LAPTM4A: variants seen among roughly 807,000 people sequenced by gnomAD.
LAPTM4A encodes the protein lysosomal-associated transmembrane protein 4A.
Under a neutral mutation model 29.9 loss-of-function variants are expected in LAPTM4A, and 19 were observed. The ratio of observed to expected loss-of-function variants is 0.64; its 90% CI spans 0.44 to 0.93. LAPTM4A has a LOEUF of 0.93. Among genes scored for constraint, LAPTM4A ranks in the 40% least tolerant of loss-of-function variants. The pLI, the probability that LAPTM4A is intolerant of heterozygous loss-of-function variation, is 0.00. For synonymous variants in LAPTM4A, 105 were observed against 102.1 expected, an observed-to-expected ratio of 1.03 and a Z score of -0.17; for missense variants, 293 against 288.5, an observed-to-expected ratio of 1.02 and a Z score of -0.11.
chr2:20,049,334 GT>G (rs1674003210), intron 1 of LAPTM4A, among the ~76,000 whole-genome samples: 1 of 152,154 alleles, frequency 6.6e-6, no homozygotes. Context: ...ACAATAAAAT[GT>G]TTTACACTAA....
chr2:20,043,787 G>C (rs1673857357), intron 1 of LAPTM4A, among the ~76,000 whole-genome samples: 3 of 152,226 alleles, frequency 2.0e-5, no homozygotes, highest in Admixed American at 2.0e-4. Context: ...AACCCGTGAA[G>C]TAAGTATTAC....
intron 2 of LAPTM4A, among the ~76,000 whole-genome samples, chr2:20,039,875 G>C (rs1673757814): frequency 1.3e-5 from 2 of 152,116 alleles, no homozygotes; most frequent in South Asian, 4.2e-4. Context: ...CCAACATGGA[G>C]TAACTCTAAA....
intron 2 of LAPTM4A, among the ~76,000 whole-genome samples, chr2:20,038,399 T>C (rs1673725362): frequency 6.6e-6 from 1 of 152,184 alleles, no homozygotes; most frequent in African/African-American, 2.4e-5. Flanking sequence ...AGCACAAATC[T>C]GTAGTTGATT....
chr2:20,041,994 T>C (rs1673811503), intron 1 of LAPTM4A, among the ~76,000 whole-genome samples: 1 of 152,236 alleles, frequency 6.6e-6, no homozygotes, highest in Admixed American at 6.5e-5. Flanking sequence ...CCCTTTTGTC[T>C]TCCTCTTTAC....
chr2:20,047,696 C>CAAAAAAAAAAAAA (rs61601787), intron 1 of LAPTM4A, among the ~76,000 whole-genome samples: 1 of 76,720 alleles, frequency 1.3e-5, no homozygotes, highest in African/African-American at 5.0e-5. Context: ...GACTCCGTCT[C>CAAAAAAAAAAAAA]AAAAAAAAAA....
intron 6 of LAPTM4A, 22 bp from the exon 7 acceptor site, chr2:20,033,301 T>A (rs1330684263): frequency 6.4e-7 from 1 of 1,574,146 alleles, no homozygotes; most frequent in African/African-American, 1.3e-5. Context: ...AAAAAAATTG[T>A]ATCAGATTTA....
rs1033106320 is a variant in LAPTM4A at position 20,040,969 on chromosome 2, T to C, written c.154A>G (p.Thr52Ala). The change falls in exon 2 of 7, where the codon ACT becomes GCT. Residue 52 changes from threonine (T) to alanine (A), a missense_variant. By Grantham distance (58) the Thr-to-Ala change is moderately conservative. Transcript: ENST00000175091. ...ACAGCTGGCATGGAGTTTGGATGAG[T>C]CACTTCCACAGTCAGCAAAATTGCC... ...LMAILLTVEV[T>A]HPNSMPAVNI... The C allele has an allele frequency of 6.2e-7, 1 of 1,613,266 alleles. No homozygotes were observed. The highest frequency in any genetic ancestry group is 8.5e-7 in the Non-Finnish European group (1 of 1,179,176).
chr2:20,037,434 T>C lies in LAPTM4A; in HGVS notation c.314A>G (p.Gln105Arg). 1 of 1,608,836 alleles carries C rather than the reference T, an allele frequency of 6.2e-7. No homozygotes were observed. The highest frequency in any genetic ancestry group is 8.5e-7 in the Non-Finnish European group (1 of 1,178,618). ...GAAGAATGGAATCAGCCAACCCACT[T>C]GATACTGGAGAAAAAATAACAACCA... Reference protein sequence around the residue: ...SMLVYGAISYQVGWLIPFFCY... With the variant: ...SMLVYGAISYRVGWLIPFFCY... Residue 105 changes from glutamine (Q) to arginine (R), a missense_variant, in exon 4 of 7, where the codon CAA (glutamine) becomes CGA (arginine). By Grantham distance (43) the Gln-to-Arg change is conservative. Coordinates refer to ENST00000175091, the MANE Select transcript of LAPTM4A (RefSeq NM_014713.5).
chr2:20,041,680 G>A (rs1035657615), intron 1 of LAPTM4A, among the ~76,000 whole-genome samples: 3 of 152,124 alleles, frequency 2.0e-5, no homozygotes, highest in Non-Finnish European at 1.5e-5. Flanking sequence ...GATTACAGGT[G>A]CCCACGACCA....
chr2:20,040,871 T>C lies in LAPTM4A; in HGVS notation c.232+20A>G. On this transcript the variant is annotated intron_variant, in intron 2 of 6. Coordinates refer to ENST00000175091, the MANE Select transcript of LAPTM4A (RefSeq NM_014713.5). ...AAAATTAGCAGGGGAGATTTTTTTG[T>C]TTTTCTATTAAACACATACCAGCCA... The C allele has an allele frequency of 1.2e-6, 2 of 1,609,980 alleles. No individual in the cohort carries two copies. Among genetic ancestry groups the C allele is most frequent in the Non-Finnish European group, 8.5e-7 (1 of 1,177,310 alleles).
chr2:20,042,993 G>A (rs1292229633), intron 1 of LAPTM4A, among the ~76,000 whole-genome samples: 1 of 152,024 alleles, frequency 6.6e-6, no homozygotes, highest in Non-Finnish European at 1.5e-5. Context: ...AGGCTGGAGT[G>A]CAGTAGCGCA....
chr2:20,048,175 A>T (rs1673976724), intron 1 of LAPTM4A, among the ~76,000 whole-genome samples: 1 of 152,254 alleles, frequency 6.6e-6, no homozygotes, highest in South Asian at 2.1e-4. Context: ...CACACCATTA[A>T]TCACAAAGTA....
Position 20,034,430 on chromosome 2 carries a change from A to G in LAPTM4A, c.529-15T>C. The G allele has an allele frequency of 6.5e-7, 1 of 1,538,746 alleles. No homozygotes were observed. The highest frequency in any genetic ancestry group is 9.0e-7 in the Non-Finnish European group (1 of 1,111,234). ...ATTAGATAAGCCTGGAAGAATAAAA[A>G]CAAAGTTGACATCTGCTAGAAACTC... On this transcript the variant is annotated splice_polypyrimidine_tract_variant and intron_variant, in intron 5 of 6. Transcript: ENST00000175091.
At chr2:20,039,268 A>G (rs1423952922) in intron 2 of LAPTM4A, among the ~76,000 whole-genome samples, 2 of 152,238 alleles carry the variant, frequency 1.3e-5, no homozygotes, top group East Asian at 3.8e-4. Flanking sequence ...ATTTGGCACT[A>G]AACTAGGAAT....
chr2:20,038,736 G>C (rs540668286), intron 2 of LAPTM4A, among the ~76,000 whole-genome samples: 1 of 152,246 alleles, frequency 6.6e-6, no homozygotes, highest in South Asian at 2.1e-4. Context: ...TCAGTACTCT[G>C]AGAGACTAAG....
chr2:20,034,266 G>A (rs368960191), intron 6 of LAPTM4A, 51 bp downstream of exon 6: 1 of 1,212,692 alleles, frequency 8.2e-7, no homozygotes, highest in Middle Eastern at 1.9e-4. Flanking sequence ...TCTTCTCCTG[G>A]AACAGTCAAT....
intron 1 of LAPTM4A, among the ~76,000 whole-genome samples, chr2:20,047,740 CTAACCAT>C (rs1673966184): frequency 6.7e-6 from 1 of 150,242 alleles, no homozygotes; most frequent in Non-Finnish European, 1.5e-5. Context: ...AACATGTGAG[CTAACCAT>C]TAAATTATCT....
At chr2:20,050,270 G>T (rs1674024572) in intron 1 of LAPTM4A, among the ~76,000 whole-genome samples, 1 of 152,196 alleles carries the variant, frequency 6.6e-6, no homozygotes, top group Admixed American at 6.5e-5. Context: ...CATTTAAGAT[G>T]ATTCTCATCT....
intron 6 of LAPTM4A, among the ~76,000 whole-genome samples, chr2:20,033,576 T>C (rs1026798570): frequency 2.0e-5 from 3 of 152,174 alleles, no homozygotes; most frequent in Non-Finnish European, 4.4e-5. Flanking sequence ...CATTCCAGTG[T>C]GACCGATGAA....
Sources: allele counts gnomAD v4.1 joint callset (sites outside exome capture counted in the v4.1 genomes callset), GRCh38; gene constraint gnomAD v4.1.1; transcripts MANE v1.5; gene names NCBI Gene and HGNC (gene_info 2026-07-23, HGNC 2026-07-21).